PCDH15: variants seen among roughly 807,000 people sequenced by gnomAD.
PCDH15 encodes the protein protocadherin-15.
Under a neutral mutation model 178.5 loss-of-function variants are expected in PCDH15, and 129 were observed. The ratio of observed to expected loss-of-function variants is 0.72; its 90% CI spans 0.63 to 0.84. PCDH15 has a LOEUF of 0.84. Among genes scored for constraint, PCDH15 ranks in the 40% least tolerant of loss-of-function variants. PCDH15 has a pLI of 0.00. For missense variants in PCDH15, 2,230 were observed against 2,099.9 expected, an observed-to-expected ratio of 1.06 and a Z score of -1.21; for synonymous variants, 800 against 732.0, an observed-to-expected ratio of 1.09 and a Z score of -1.50.
chr10:55,282,352 A>G (rs1290471459), intron 1 of PCDH15, among the ~76,000 whole-genome samples: 2 of 152,182 alleles, frequency 1.3e-5, no homozygotes, highest in Non-Finnish European at 2.9e-5. Flanking sequence ...TCCAAAGCTC[A>G]GTTCAAATAT....
intron 32 of PCDH15, among the ~76,000 whole-genome samples, chr10:53,826,563 G>GTTGT (rs138631177): frequency 0.021 from 3,190 of 152,004 alleles, 116 homozygotes; most frequent in African/African-American, 0.071. Context: ...AATATTCTTG[G>GTTGT]TTGTTTTACA....
chr10:54,209,838 G>T (rs890034237), intron 10 of PCDH15, among the ~76,000 whole-genome samples: 3 of 152,032 alleles, frequency 2.0e-5, no homozygotes, highest in Admixed American at 6.6e-5. Flanking sequence ...AGTAAAATAT[G>T]ATTTTTATCA....
chr10:54,909,620 A>G (rs1025027475), intron 2 of PCDH15, among the ~76,000 whole-genome samples: 2 of 152,002 alleles, frequency 1.3e-5, no homozygotes, highest in African/African-American at 4.8e-5. Flanking sequence ...GAGTGCAAAG[A>G]TTCCCTGGCC....
chr10:54,440,405 GAA>G (rs1466634606), intron 3 of PCDH15, among the ~76,000 whole-genome samples: 1 of 151,864 alleles, frequency 6.6e-6, no homozygotes, highest in Non-Finnish European at 1.5e-5. Context: ...CCAAGTAAAT[GAA>G]ATGACATCAT....
intron 20 of PCDH15, among the ~76,000 whole-genome samples, chr10:53,999,561 C>T (rs2092023258): frequency 6.6e-6 from 1 of 152,138 alleles, no homozygotes; most frequent in Non-Finnish European, 1.5e-5. Flanking sequence ...TTTAAGAGGC[C>T]ATGGGCCATA....
chr10:54,720,792 G>A (rs903011218), intron 1 of PCDH15, among the ~76,000 whole-genome samples: 21 of 152,112 alleles, frequency 1.4e-4, no homozygotes, highest in African/African-American at 4.8e-4. Context: ...TACAATAATA[G>A]TGGAGGACTT....
At chr10:55,086,263 A>C (rs570117999) in intron 2 of PCDH15, among the ~76,000 whole-genome samples, 3 of 152,028 alleles carry the variant, frequency 2.0e-5, no homozygotes, top group African/African-American at 4.8e-5. Context: ...AATTATTTTT[A>C]GATGAAAACT....
chr10:54,384,256 T>G (rs1361770814), intron 3 of PCDH15, among the ~76,000 whole-genome samples: 3 of 152,006 alleles, frequency 2.0e-5, no homozygotes, highest in Non-Finnish European at 2.9e-5. Flanking sequence ...ATTATAAACC[T>G]CAAATTTTGG....
intron 2 of PCDH15, among the ~76,000 whole-genome samples, chr10:54,567,939 T>G (rs941526230): frequency 1.3e-5 from 2 of 152,166 alleles, no homozygotes; most frequent in Non-Finnish European, 2.9e-5. Context: ...GAAACTACTT[T>G]GAGTAATTCA....
rs547599537 is a variant in PCDH15 at position 55,227,738 on chromosome 10, A to G, written c.-155-61087T>C. On this transcript the variant is annotated intron_variant, in intron 1 of 5. Transcript: ENST00000458638. ...ATCGTACTTTGCTCAGCTATCACCA[A>G]TATTAACAGAATTATAATAATGGGA... Among the ~76,000 whole-genome samples the G allele has an allele frequency of 3.9e-5, 6 of 152,226 alleles. 1 individual carries two copies. The highest frequency in any genetic ancestry group is 1.4e-4 in the African/African-American group (6 of 41,480).
chr10:54,393,079 G>A (rs1303318878), intron 3 of PCDH15, among the ~76,000 whole-genome samples: 1 of 151,906 alleles, frequency 6.6e-6, no homozygotes, highest in African/African-American at 2.4e-5. Context: ...TCTGAATTTA[G>A]ATTCAAGCAC....
At chr10:54,939,898 C>T (rs1181882015) in intron 2 of PCDH15, among the ~76,000 whole-genome samples, 1 of 152,092 alleles carries the variant, frequency 6.6e-6, no homozygotes, top group Non-Finnish European at 1.5e-5. Context: ...GACCTAATAA[C>T]CTTCCAAACA....
chr10:55,504,615 A>G (rs1840723413), intron 2 of PCDH15, among the ~76,000 whole-genome samples: 1 of 151,332 alleles, frequency 6.6e-6, no homozygotes, highest in African/African-American at 2.4e-5. Context: ...TTTCTCAACA[A>G]CTAGAATGAA....
intron 1 of PCDH15, among the ~76,000 whole-genome samples, chr10:55,316,071 C>T (rs1362931071): frequency 1.3e-5 from 2 of 152,154 alleles, no homozygotes; most frequent in Admixed American, 6.5e-5. Context: ...AAAGGACTCA[C>T]ACAAAAGTTG....
At chr10:55,511,617 A>G (rs896978397) in intron 2 of PCDH15, among the ~76,000 whole-genome samples, 1 of 151,984 alleles carries the variant, frequency 6.6e-6, no homozygotes, top group East Asian at 1.9e-4. Context: ...AGACTTAAAA[A>G]CTAATTTTGA....
intron 3 of PCDH15, among the ~76,000 whole-genome samples, chr10:54,838,262 A>G (rs550233188): frequency 6.6e-6 from 1 of 152,204 alleles, no homozygotes; most frequent in East Asian, 1.9e-4. Flanking sequence ...CCCATGTGTC[A>G]AAGGAGAGAC....
intron 2 of PCDH15, among the ~76,000 whole-genome samples, chr10:55,096,245 ACATCTGTGATAGTTAAAATGT>A: frequency 6.6e-6 from 1 of 152,262 alleles, no homozygotes; most frequent in South Asian, 2.1e-4. Context: ...CTGTTTTCCA[ACATCTGTGATAGTTAAAATGT>A]ATTTTCTTAG....
intron 2 of PCDH15, among the ~76,000 whole-genome samples, chr10:55,391,018 T>C (rs1476140156): frequency 6.6e-6 from 1 of 152,220 alleles, no homozygotes; most frequent in Non-Finnish European, 1.5e-5. Flanking sequence ...AACAAGAAAG[T>C]CAGCCTATCC....
At chr10:54,707,577 G>C (rs1019807587) in intron 1 of PCDH15, among the ~76,000 whole-genome samples, 14 of 152,130 alleles carry the variant, frequency 9.2e-5, no homozygotes, top group Non-Finnish European at 1.8e-4. Flanking sequence ...GCAGCATGTA[G>C]ATTTAAGATT....
Sources: gnomAD v4.1 joint callset for allele counts (sites outside exome capture counted in the v4.1 genomes callset) on GRCh38, gnomAD v4.1.1 for gene constraint, MANE v1.5 for transcripts, NCBI Gene and HGNC (gene_info 2026-07-23, HGNC 2026-07-21) for gene names.